Variants in UGT1A5 observed in about 807,000 individuals in gnomAD.
UGT1A5 encodes UDP-glucuronosyltransferase 1A5.
Under a neutral mutation model 40.3 loss-of-function variants are expected in UGT1A5, and 29 were observed. The ratio of observed to expected loss-of-function variants is 0.72; its 90% confidence interval spans 0.54 to 0.98. The LOEUF (loss-of-function observed/expected upper bound fraction) is 0.98, where lower values mean the gene tolerates loss of function less well. Ranked by LOEUF, UGT1A5 falls within the 50% of genes least tolerant of loss-of-function variation. UGT1A5 has a pLI of 0.00. For synonymous variants in UGT1A5, 257 were observed against 262.5 expected, an observed-to-expected ratio of 0.98 and a Z score of 0.20; for missense variants, 678 against 677.9, an observed-to-expected ratio of 1.00 and a Z score of 0.00.
intron 1 of UGT1A5, among the ~76,000 whole-genome samples, chr2:233,720,190 G>A (rs1402744128): frequency 1.3e-5 from 2 of 152,210 alleles, no homozygotes; most frequent in Non-Finnish European, 2.9e-5. Context: ...TTGAGTGGAA[G>A]TGGGGCTGTG....
rs371763780 is a variant in UGT1A5 at position 233,751,446 on chromosome 2, A to G, written c.868-15588A>G. Among the ~76,000 whole-genome samples, 1,356 of 152,090 alleles carry G rather than the reference A, an allele frequency of 8.9e-3. 29 individuals are homozygous for G. Among genetic ancestry groups the G allele is most frequent in the African/African-American group, 0.031 (1,276 of 41,348 alleles). On this transcript the variant is annotated intron_variant, in intron 1 of 4. Transcript: ENST00000373414. Reference sequence around the variant, plus strand: ...TGCTGAAATGAGTTAAGACTTTGGAAGATTGTTGGGAAGGCACGATTGGTT... The same window carrying G: ...TGCTGAAATGAGTTAAGACTTTGGAGGATTGTTGGGAAGGCACGATTGGTT...
rs923296681 is a variant in UGT1A5 at position 233,722,920 on chromosome 2, C to A, written c.867+9062C>A. 6.3e-5 allele frequency among the ~76,000 whole-genome samples: 8 copies of A among 127,544 alleles called. No individual in the cohort carries two copies. In the East Asian group the frequency reaches 2.1e-3, roughly 34 times the overall value. 83.7% of individuals were successfully genotyped at this position (127,544 alleles called of 152,430 possible). On this transcript the variant is annotated intron_variant, in intron 1 of 4. Coordinates refer to ENST00000373414, the MANE Select transcript of UGT1A5 (RefSeq NM_019078.2). The stretch of plus-strand genomic sequence containing the variant: ...AGTGGATCATCATAAAGGTCTTCAT[C>A]CTCATTGTCTCCATGCTGAGTGGGC...
At chr2:233,764,179 C>T (rs1420569842) in intron 1 of UGT1A5, among the ~76,000 whole-genome samples, 1 of 152,170 alleles carries the variant, frequency 6.6e-6, no homozygotes. Flanking sequence ...CAGGGAAATT[C>T]TCTCATTCAG....
intron 1 of UGT1A5, among the ~76,000 whole-genome samples, chr2:233,758,574 AAG>A (rs1434533042): frequency 6.6e-5 from 10 of 152,190 alleles, no homozygotes; most frequent in Admixed American, 3.3e-4. Flanking sequence ...CTAAAAAATG[AAG>A]AGTGTTTGGG....
intron 1 of UGT1A5, chr2:233,717,836 C>G (rs2076610454): frequency 6.6e-6 from 3 of 455,170 alleles, no homozygotes; most frequent in Non-Finnish European, 1.3e-5. Flanking sequence ...TCTGGAGGAA[C>G]CATTCTTATC....
At chr2:233,739,452 G>C (rs115541121) in intron 1 of UGT1A5, among the ~76,000 whole-genome samples, 1,700 of 152,308 alleles carry the variant, frequency 0.011, 37 homozygotes, top group African/African-American at 0.039. Flanking sequence ...AAGCCACAGG[G>C]TTGGAGCTGC....
rs1276880544 is a variant in UGT1A5, at chr2:233,713,114, G to A, written c.123G>A (p.Trp41Ter). ...TGGTGCCCACTGATGGCAGCCACTG[G>A]CTCAGCATGCGGGAGGCCTTGCGGG... ...VLVVPTDGSH[W>*]LSMREALRDL... The change falls in exon 1 of 5, where the codon TGG (tryptophan) becomes TGA (stop). Residue 41 changes from tryptophan to a stop codon, truncating the protein, a stop_gained. Transcript: ENST00000373414. LOFTEE classifies it high-confidence loss of function. 4.3e-6 allele frequency: 7 copies of A among 1,614,110 alleles called. No individual in the cohort carries two copies. Among genetic ancestry groups the A allele is most frequent in the Admixed American group, 1.7e-5 (1 of 60,010 alleles).
In UGT1A5 at chr2:233,772,606, T is replaced by C. The variant is rs34895241; in HGVS notation, c.*47T>C. 98 of 1,584,170 alleles carry C rather than the reference T, an allele frequency of 6.2e-5. No homozygotes were observed. Among genetic ancestry groups the C allele is most frequent in the Admixed American group, 4.5e-4 (25 of 55,206 alleles). On this transcript the variant is annotated 3_prime_UTR_variant, in exon 5 of 5. Transcript: ENST00000373414. The stretch of plus-strand genomic sequence containing the variant: ...AAAATTTTGAACCATTCCCTAGTCA[T>C]TTCCAAACTTGAAAACAGAATCAGT...
At chr2:233,764,456 G>A (rs184552145) in intron 1 of UGT1A5, among the ~76,000 whole-genome samples, 34 of 152,210 alleles carry the variant, frequency 2.2e-4, no homozygotes, top group African/African-American at 7.9e-4. Context: ...TTAAACTTTC[G>A]TGATCTCCTG....
intron 1 of UGT1A5, among the ~76,000 whole-genome samples, chr2:233,766,331 T>C (rs1699119647): frequency 6.6e-6 from 1 of 152,150 alleles, no homozygotes; most frequent in African/African-American, 2.4e-5. Context: ...CTCCGCGTTG[T>C]TCTGCTGGTC....
At chr2:233,747,691 T>C in intron 1 of UGT1A5, 3 of 1,611,090 alleles carry the variant, frequency 1.9e-6, no homozygotes, top group Non-Finnish European at 2.5e-6. Flanking sequence ...TGTGGGGCAG[T>C]GCTGGCTAAG....
At chr2:233,757,176 AG>A (rs1350201754) in intron 1 of UGT1A5, among the ~76,000 whole-genome samples, 4 of 151,300 alleles carry the variant, frequency 2.6e-5, no homozygotes, top group Non-Finnish European at 5.9e-5. Flanking sequence ...TTTGAGAGCA[AG>A]GCAGAGGACT....
chr2:233,734,102 A>G (rs1165382391), intron 1 of UGT1A5, among the ~76,000 whole-genome samples: 2 of 142,668 alleles, frequency 1.4e-5, no homozygotes, highest in East Asian at 3.9e-4. Flanking sequence ...AACTTAAAGT[A>G]TAATAATAAT....
intron 1 of UGT1A5, among the ~76,000 whole-genome samples, chr2:233,745,005 A>G (rs1189988608): frequency 6.6e-6 from 1 of 151,852 alleles, no homozygotes; most frequent in Non-Finnish European, 1.5e-5. Context: ...CTTTTACCTA[A>G]TAAATGTAAA....
At chr2:233,736,828 G>T (rs2078816893) in intron 1 of UGT1A5, among the ~76,000 whole-genome samples, 1 of 152,192 alleles carries the variant, frequency 6.6e-6, no homozygotes, top group Admixed American at 6.5e-5. Flanking sequence ...GATGCTCTTT[G>T]CTTTGGTATC....
Position 233,731,393 on chromosome 2 carries a change from G to A in UGT1A5, c.867+17535G>A, listed in dbSNP as rs558248956. Among the ~76,000 whole-genome samples the A allele has an allele frequency of 1.5e-3, 233 of 151,488 alleles. 2 individuals are homozygous for A. Among genetic ancestry groups the A allele is most frequent in the African/African-American group, 5.3e-3 (218 of 41,268 alleles). On this transcript the variant is annotated intron_variant, in intron 1 of 4. Coordinates refer to ENST00000373414, the MANE Select transcript of UGT1A5 (RefSeq NM_019078.2). ...GTTGGTTTCCTGCACCCACCAACTC[G>A]TCATTTACATTAGGTATTTTTCCTA...
chr2:233,719,253 T>A (rs757974973), intron 1 of UGT1A5: 2 of 1,614,038 alleles, frequency 1.2e-6, no homozygotes, highest in African/African-American at 2.7e-5. Flanking sequence ...GAATGCTACT[T>A]CCTTTGATGT....
chr2:233,767,792 T>C (rs1011366406), intron 2 of UGT1A5, 57 bp from the exon 3 acceptor site: 6 of 1,614,068 alleles, frequency 3.7e-6, no homozygotes, highest in Non-Finnish European at 3.4e-6. Context: ...ATAGCAGATT[T>C]GTTTTCTAAT....
chr2:233,767,912 T>A lies in UGT1A5; in HGVS notation c.1063T>A (p.Trp355Arg), dbSNP rs1559414817. The change falls in exon 3 of 5, where the codon TGG (tryptophan) becomes AGG (arginine). Residue 355 changes from tryptophan (W) to arginine (R), a missense_variant. Physicochemically the swap from Trp to Arg is moderately radical, Grantham distance 101. Coordinates refer to ENST00000373414, the MANE Select transcript of UGT1A5 (RefSeq NM_019078.2). ...TGCGAACAACACGATACTTGTTAAG[T>A]GGCTACCCCAAAACGATCTGCTTGG... is the stretch of plus-strand genomic sequence containing the variant. The part of the protein sequence containing the change: ...NLANNTILVK[W>R]LPQNDLLGHP... The A allele has an allele frequency of 2.5e-6, 4 of 1,614,202 alleles. No homozygotes were observed. Among genetic ancestry groups the A allele is most frequent in the Non-Finnish European group, 3.4e-6 (4 of 1,180,044 alleles).
Sources: gnomAD v4.1 joint callset for allele counts (sites outside exome capture counted in the v4.1 genomes callset) on GRCh38, gnomAD v4.1.1 for gene constraint, MANE v1.5 for transcripts, NCBI Gene and HGNC (gene_info 2026-07-23, HGNC 2026-07-21) for gene names.